Variants in CFAP221 observed in about 807,000 individuals in gnomAD.
CFAP221 encodes the protein cilia- and flagella-associated protein 221.
In CFAP221, 97 loss-of-function variants were observed where a neutral mutation model predicts 113.1. That is an observed-to-expected ratio of 0.86 (90% CI 0.73 to 1.02). The LOEUF (loss-of-function observed/expected upper bound fraction) is 1.02, where lower values mean the gene tolerates loss of function less well. Ranked by LOEUF, CFAP221 falls within the 50% of genes least tolerant of loss-of-function variation. The pLI is 0.00. For synonymous variants in CFAP221, 331 were observed against 354.4 expected, an observed-to-expected ratio of 0.93 and a Z score of 0.74; for missense variants, 1,025 against 1,013.4, an observed-to-expected ratio of 1.01 and a Z score of -0.16.
chr2:119,583,524 A>T (rs1682992835), intron 6 of CFAP221, among the ~76,000 whole-genome samples: 1 of 151,976 alleles, frequency 6.6e-6, no homozygotes, highest in Admixed American at 6.6e-5. Context: ...AAACTTTTAC[A>T]ACCCATAAAA....
chr2:119,586,321 G>A (rs1056511297), intron 6 of CFAP221, among the ~76,000 whole-genome samples: 5 of 152,106 alleles, frequency 3.3e-5, no homozygotes, highest in Non-Finnish European at 5.9e-5. Flanking sequence ...ACCCTGGAGA[G>A]CTCTGCTCCC....
chr2:119,591,533 C>A (rs188488787), intron 7 of CFAP221, among the ~76,000 whole-genome samples: 1 of 152,352 alleles, frequency 6.6e-6, no homozygotes, highest in East Asian at 1.9e-4. Flanking sequence ...GTGCTAAGCA[C>A]ATCACATGCA....
chr2:119,556,740 T>A (rs898446621), intron 3 of CFAP221, among the ~76,000 whole-genome samples: 1 of 151,932 alleles, frequency 6.6e-6, no homozygotes, highest in Non-Finnish European at 1.5e-5. Flanking sequence ...TTAGTAGAGA[T>A]GGAGTTTTAC....
At chr2:119,595,397 C>T (rs1683889639) in intron 7 of CFAP221, among the ~76,000 whole-genome samples, 1 of 152,182 alleles carries the variant, frequency 6.6e-6, no homozygotes, top group Admixed American at 6.5e-5. Context: ...ATAGCCACTT[C>T]CCTATTTAAT....
intron 2 of CFAP221, among the ~76,000 whole-genome samples, chr2:119,547,160 T>G (rs1180747723): frequency 6.6e-6 from 1 of 152,202 alleles, no homozygotes; most frequent in African/African-American, 2.4e-5. Context: ...CTGTAGAACT[T>G]GTCAAGTGAA....
In CFAP221 at chr2:119,601,375, AC is replaced by A; in HGVS notation, c.791del (p.Pro264HisfsTer2). 1 of 1,514,940 alleles carries A rather than the reference AC, an allele frequency of 6.6e-7. No homozygotes were observed. Among genetic ancestry groups the A allele is most frequent in the East Asian group, 2.5e-5 (1 of 40,400 alleles). The allele number at this position is 1,514,940 out of a possible 1,614,324, so 93.8% of individuals were successfully genotyped here. On this transcript the variant is annotated frameshift_variant and splice_region_variant, in exon 8 of 24. Transcript: ENST00000413369. LOFTEE classifies it high-confidence loss of function. ...TGTCYPNMALPLEEFERLNTL... is the reference protein window; with the variant it reads ...TGTCYPNMALXLEEFERLNTL... The stretch of plus-strand genomic sequence containing the variant: ...GAACATGCTATCCCAACATGGCCTT[AC>A]CGTATGGCGTCTTTGCAGTGTTTTT...
chr2:119,584,285 A>G (rs1212309624), intron 6 of CFAP221, among the ~76,000 whole-genome samples: 2 of 152,202 alleles, frequency 1.3e-5, no homozygotes, highest in Non-Finnish European at 2.9e-5. Context: ...AACTAAATTA[A>G]TATTAGAATT....
chr2:119,547,669 G>A (rs934598596), intron 2 of CFAP221, among the ~76,000 whole-genome samples: 3 of 152,068 alleles, frequency 2.0e-5, no homozygotes, highest in Non-Finnish European at 2.9e-5. Flanking sequence ...TACAGAGATC[G>A]TCAGTTCCCC....
chr2:119,598,957 G>A (rs1381311193), intron 7 of CFAP221, among the ~76,000 whole-genome samples: 2 of 152,014 alleles, frequency 1.3e-5, no homozygotes, highest in East Asian at 1.9e-4. Flanking sequence ...TTAGAGCCCC[G>A]GGTCAATTTA....
At chr2:119,577,051 A>G (rs368454015) in intron 6 of CFAP221, among the ~76,000 whole-genome samples, 4 of 152,252 alleles carry the variant, frequency 2.6e-5, no homozygotes, top group South Asian at 2.1e-4. Flanking sequence ...TCCAGCTGCT[A>G]TAGCAAATTC....
chr2:119,644,838 T>G (rs563702810), intron 21 of CFAP221, among the ~76,000 whole-genome samples: 1 of 152,284 alleles, frequency 6.6e-6, no homozygotes, highest in South Asian at 2.1e-4. Flanking sequence ...TTTCCACCAT[T>G]CCATATTTGT....
At chr2:119,573,639 T>C (rs1437591386) in intron 6 of CFAP221, among the ~76,000 whole-genome samples, 2 of 152,220 alleles carry the variant, frequency 1.3e-5, no homozygotes, top group Non-Finnish European at 2.9e-5. Context: ...GAGGATGTAG[T>C]GAGCTCTGAT....
intron 13 of CFAP221, among the ~76,000 whole-genome samples, chr2:119,615,261 G>C (rs1219326281): frequency 6.6e-6 from 1 of 152,210 alleles, no homozygotes; most frequent in East Asian, 1.9e-4. Flanking sequence ...TACCCAGCCA[G>C]GGGATCTCAC....
intron 6 of CFAP221, 133 bp downstream of exon 6, chr2:119,562,247 A>G (rs1201187390): frequency 2.8e-6 from 1 of 361,298 alleles, no homozygotes; most frequent in Non-Finnish European, 4.3e-6. Context: ...TTGTCATTGT[A>G]AAAGGCAAAA....
At chr2:119,601,081 AT>A in intron 7 of CFAP221, 136 bp from the exon 8 acceptor site, 1 of 878,416 alleles carries the variant, frequency 1.1e-6, no homozygotes, top group Non-Finnish European at 1.6e-6. Flanking sequence ...TTATGTGTGG[AT>A]TTTCAATTGT....
In CFAP221 at chr2:119,630,646, AG is replaced by A. The variant is rs1330419363; in HGVS notation, c.1809del (p.Lys603AsnfsTer6). The A allele has an allele frequency of 6.2e-7, 1 of 1,613,888 alleles. No individual in the cohort carries two copies. The highest frequency in any genetic ancestry group is 1.3e-5 in the African/African-American group (1 of 75,060). On this transcript the variant is annotated frameshift_variant, in exon 18 of 24. Transcript: ENST00000413369. LOFTEE classifies it high-confidence loss of function. Reference sequence around the variant, plus strand: ...TCTTCAACAAGTTACAGACCTCAAAAGCTTGCCCGAGCCCTAAAGCAAGGAG... The same window carrying A: ...TCTTCAACAAGTTACAGACCTCAAAACTTGCCCGAGCCCTAAAGCAAGGAG... ...HKSSTSYRPQ[K>X]LARALKQGAE...
intron 19 of CFAP221, 23 bp from the exon 20 acceptor site, chr2:119,638,236 T>C (rs771201258): frequency 6.2e-7 from 1 of 1,613,168 alleles, no homozygotes; most frequent in South Asian, 1.1e-5. Context: ...CAGAAAAGAA[T>C]ATTTTTTCCC....
chr2:119,594,326 C>G (rs769956899), intron 7 of CFAP221, among the ~76,000 whole-genome samples: 1 of 152,038 alleles, frequency 6.6e-6, no homozygotes. Context: ...ACCTCTGCCT[C>G]CCAGGTTCAA....
At chr2:119,636,261 A>G (rs1451356584) in intron 19 of CFAP221, among the ~76,000 whole-genome samples, 2 of 152,248 alleles carry the variant, frequency 1.3e-5, no homozygotes, top group African/African-American at 4.8e-5. Context: ...TGAGCAAAGC[A>G]TGAAGGTCTT....
Sources: allele counts gnomAD v4.1 joint callset (sites outside exome capture counted in the v4.1 genomes callset), GRCh38; gene constraint gnomAD v4.1.1; transcripts MANE v1.5; gene names NCBI Gene and HGNC (gene_info 2026-07-23, HGNC 2026-07-21).